Variants in CCSER1 observed in about 807,000 individuals in gnomAD.
CCSER1 encodes the protein serine-rich coiled-coil domain-containing protein 1.
In CCSER1, 41 loss-of-function variants were observed where a neutral mutation model predicts 82.0. The ratio of observed to expected loss-of-function variants is 0.50; its 90% CI spans 0.39 to 0.65. The LOEUF (loss-of-function observed/expected upper bound fraction) is 0.65. Among genes scored for constraint, CCSER1 ranks in the 30% least tolerant of loss-of-function variants. The pLI is 0.00. For synonymous variants in CCSER1, 414 were observed against 383.9 expected (o/e 1.08, Z -0.92); for missense variants, 1,119 against 1,064.2 (o/e 1.05, Z -0.72).
At chr4:90,145,455 A>G (rs2153344608) in intron 1 of CCSER1, among the ~76,000 whole-genome samples, 3 of 152,234 alleles carry the variant, frequency 2.0e-5, no homozygotes, top group Admixed American at 2.0e-4. Flanking sequence ...TGTGCTTTTC[A>G]GTTTCATGCT....
rs1743904124 is a variant in CCSER1 at position 90,229,201 on chromosome 4, T to C, written c.-41-79043T>C. ...ATTGAAGTTGAAATGAAGGAAAATA[T>C]GTTAAGGGCAGCCAGAGAGAAAGGT... On this transcript the variant is annotated intron_variant, in intron 1 of 10. Transcript: ENST00000509176. Among the ~76,000 whole-genome samples, 4 of 152,232 alleles carry C rather than the reference T, an allele frequency of 2.6e-5. No individual in the cohort carries two copies. The South Asian group carries it at 8.3e-4, about 32-fold the overall frequency.
At chr4:91,312,255 A>G (rs1326822819) in intron 10 of CCSER1, among the ~76,000 whole-genome samples, 1 of 151,782 alleles carries the variant, frequency 6.6e-6, no homozygotes, top group African/African-American at 2.4e-5. Flanking sequence ...GATAATATGA[A>G]TTTCCACAGG....
intron 8 of CCSER1, among the ~76,000 whole-genome samples, chr4:90,912,641 C>T (rs182107741): frequency 9.9e-5 from 15 of 152,272 alleles, no homozygotes; most frequent in East Asian, 3.9e-4. Flanking sequence ...GGACGGAGAA[C>T]GACATTGACG....
At chr4:91,037,232 T>TCACACACA (rs3043087) in intron 9 of CCSER1, among the ~76,000 whole-genome samples, 9 of 146,318 alleles carry the variant, frequency 6.2e-5, no homozygotes, top group African/African-American at 2.0e-4. Context: ...TCTATCTCTG[T>TCACACACA]CACACACACA....
intron 7 of CCSER1, among the ~76,000 whole-genome samples, chr4:90,766,993 T>G (rs966708430): frequency 6.6e-6 from 1 of 152,162 alleles, no homozygotes; most frequent in African/African-American, 2.4e-5. Flanking sequence ...CTTATGTGAA[T>G]GTACTACTGA....
intron 9 of CCSER1, among the ~76,000 whole-genome samples, chr4:91,084,905 A>C (rs1391829278): frequency 2.0e-5 from 3 of 152,046 alleles, no homozygotes; most frequent in Admixed American, 1.3e-4. Flanking sequence ...AACCCTGAAA[A>C]TTTTTTAAAC....
intron 10 of CCSER1, among the ~76,000 whole-genome samples, chr4:91,174,118 A>G (rs1007920230): frequency 5.9e-5 from 9 of 152,324 alleles, no homozygotes; most frequent in Admixed American, 3.9e-4. Flanking sequence ...AGTAAGTACT[A>G]TTGAGAATTC....
chr4:90,757,861 A>G (rs776838294), intron 7 of CCSER1, among the ~76,000 whole-genome samples: 1 of 152,168 alleles, frequency 6.6e-6, no homozygotes, highest in Non-Finnish European at 1.5e-5. Context: ...GATGATGTAA[A>G]AATGTAAAGT....
intron 5 of CCSER1, among the ~76,000 whole-genome samples, chr4:90,586,905 T>C (rs939801073): frequency 2.6e-5 from 4 of 152,226 alleles, no homozygotes; most frequent in African/African-American, 4.8e-5. Context: ...TTACCATCCA[T>C]GGCAAAAGAG....
At chr4:90,972,078 C>T (rs1420601149) in intron 9 of CCSER1, among the ~76,000 whole-genome samples, 12 of 151,740 alleles carry the variant, frequency 7.9e-5, no homozygotes, top group Admixed American at 7.2e-4. Flanking sequence ...AGATCAGCAA[C>T]AAGACAAAGG....
intron 1 of CCSER1, among the ~76,000 whole-genome samples, chr4:90,294,331 C>T (rs188102705): frequency 5.9e-4 from 89 of 151,932 alleles, no homozygotes; most frequent in African/African-American, 1.7e-3. Flanking sequence ...GGCAATATAG[C>T]GAGACCCCGT....
chr4:90,604,732 A>G (rs1784423823), intron 5 of CCSER1, among the ~76,000 whole-genome samples: 1 of 152,106 alleles, frequency 6.6e-6, no homozygotes, highest in African/African-American at 2.4e-5. Flanking sequence ...AAATGCGCCA[A>G]TCAGTGCTGT....
At chr4:90,900,753 GA>G (rs1293767784) in intron 8 of CCSER1, among the ~76,000 whole-genome samples, 2 of 151,940 alleles carry the variant, frequency 1.3e-5, no homozygotes, top group Admixed American at 6.6e-5. Context: ...GAGCAGATAA[GA>G]AAAATGTATA....
At chr4:90,897,159 G>C (rs1237185747) in intron 8 of CCSER1, among the ~76,000 whole-genome samples, 2 of 151,464 alleles carry the variant, frequency 1.3e-5, no homozygotes, top group Non-Finnish European at 3.0e-5. Context: ...TGGATTCCTG[G>C]GTTCTTTTGC....
intron 10 of CCSER1, among the ~76,000 whole-genome samples, chr4:91,550,923 A>G (rs1762130141): frequency 1.3e-5 from 2 of 152,192 alleles, no homozygotes; most frequent in Non-Finnish European, 2.9e-5. Context: ...AGCATTTGAA[A>G]CTATTATTTT....
chr4:91,592,089 C>T (rs1413447847), intron 10 of CCSER1, among the ~76,000 whole-genome samples: 5 of 152,130 alleles, frequency 3.3e-5, no homozygotes, highest in African/African-American at 9.7e-5. Context: ...AGAGTCCCTA[C>T]CCTTATGCAA....
At chr4:90,318,912 A>T (rs955984292) in intron 3 of CCSER1, among the ~76,000 whole-genome samples, 8 of 152,204 alleles carry the variant, frequency 5.3e-5, no homozygotes, top group African/African-American at 1.9e-4. Context: ...AAGGTTAAAC[A>T]TTATCTTGCC....
At chr4:90,311,809 T>C (rs1181923338) in intron 2 of CCSER1, among the ~76,000 whole-genome samples, 2 of 152,220 alleles carry the variant, frequency 1.3e-5, no homozygotes, top group Non-Finnish European at 2.9e-5. Context: ...AACTAGTAGA[T>C]GAGCCTAATT....
chr4:90,299,650 C>T (rs1195328066), intron 1 of CCSER1, among the ~76,000 whole-genome samples: 2 of 151,998 alleles, frequency 1.3e-5, no homozygotes, highest in East Asian at 1.9e-4. Context: ...TTAAAAGTGC[C>T]TCCATTATTT....
Sources: gnomAD v4.1 joint callset for allele counts (sites outside exome capture counted in the v4.1 genomes callset) on GRCh38, gnomAD v4.1.1 for gene constraint, MANE v1.5 for transcripts, NCBI Gene and HGNC (gene_info 2026-07-23, HGNC 2026-07-21) for gene names.